NR2C1: variants seen among roughly 807,000 people sequenced by gnomAD.
NR2C1 encodes the protein TR2 nuclear hormone receptor.
NR2C1 carries 33 observed loss-of-function variants against 74.8 expected under a neutral mutation model. That is an observed-to-expected ratio of 0.44 (90% CI 0.33 to 0.59). NR2C1 has a LOEUF of 0.59. NR2C1 is among the 20% of genes least tolerant of loss of function. The pLI is 0.02. For synonymous variants in NR2C1, 225 were observed against 240.6 expected (o/e 0.94, Z 0.60); for missense variants, 568 against 715.6 (o/e 0.79, Z 2.35).
At chr12:95,024,417 C>T (rs572380106) in intron 13 of NR2C1, among the ~76,000 whole-genome samples, 7 of 152,256 alleles carry the variant, frequency 4.6e-5, no homozygotes, top group Admixed American at 2.0e-4. Context: ...GAATTCAAAT[C>T]CAGGTACTCT....
chr12:95,053,681 G>GTTTTTTTTTTTTTTTTT (rs550069594), intron 7 of NR2C1, among the ~76,000 whole-genome samples: 4 of 103,410 alleles, frequency 3.9e-5, no homozygotes, highest in African/African-American at 8.0e-5. Context: ...TCTTTTTGGT[G>GTTTTTTTTTTTTTTTTT]TTTTTTTTTT....
intron 4 of NR2C1, among the ~76,000 whole-genome samples, chr12:95,058,888 A>G (rs1874316978): frequency 6.6e-6 from 1 of 151,922 alleles, no homozygotes; most frequent in Admixed American, 6.6e-5. Flanking sequence ...CTCCACTCCC[A>G]AAGTGCTGGG....
intron 7 of NR2C1, 92 bp from the exon 8 acceptor site, chr12:95,052,035 A>G (rs1873081014): frequency 2.5e-6 from 2 of 787,844 alleles, no homozygotes; most frequent in Non-Finnish European, 3.8e-6. Context: ...TATGCCAACA[A>G]AAGAACAGTA....
intron 9 of NR2C1, among the ~76,000 whole-genome samples, chr12:95,044,426 C>T (rs1872030469): frequency 6.6e-6 from 1 of 151,850 alleles, no homozygotes; most frequent in African/African-American, 2.4e-5. Flanking sequence ...CGCCACCACA[C>T]CCGGCTAATT....
At chr12:95,059,229 G>A (rs1346585590) in intron 4 of NR2C1, among the ~76,000 whole-genome samples, 3 of 151,258 alleles carry the variant, frequency 2.0e-5, no homozygotes, top group Non-Finnish European at 4.4e-5. Flanking sequence ...TTGAACCCAG[G>A]AGGCAGAGGT....
intron 2 of NR2C1, among the ~76,000 whole-genome samples, chr12:95,063,370 A>G (rs1875090404): frequency 6.6e-6 from 1 of 152,204 alleles, no homozygotes; most frequent in Non-Finnish European, 1.5e-5. Flanking sequence ...GCACAGCAAT[A>G]GAGATATATG....
chr12:95,057,988 T>C, intron 5 of NR2C1, 110 bp from the exon 6 acceptor site: 1 of 929,758 alleles, frequency 1.1e-6, no homozygotes, highest in South Asian at 1.7e-5. Context: ...GCTACCATAC[T>C]AAACTCCAAA....
intron 13 of NR2C1, 100 bp downstream of exon 13, chr12:95,025,050 C>A: frequency 1.8e-6 from 1 of 542,530 alleles, no homozygotes. Flanking sequence ...GTTAAGGTTG[C>A]CTAAAACATT....
chr12:95,051,969 C>A, intron 7 of NR2C1, 26 bp from the exon 8 acceptor site: 2 of 1,476,798 alleles, frequency 1.4e-6, no homozygotes, highest in South Asian at 2.7e-5. Flanking sequence ...TATTAAAATT[C>A]TGTGAATTGG....
intron 1 of NR2C1, among the ~76,000 whole-genome samples, chr12:95,069,387 A>G (rs772557447): frequency 2.6e-5 from 4 of 152,232 alleles, no homozygotes; most frequent in Non-Finnish European, 4.4e-5. Flanking sequence ...GTTTACACCC[A>G]TAACACTGTA....
intron 1 of NR2C1, chr12:95,072,988 G>A (rs1876947759): frequency 6.6e-6 from 1 of 152,276 alleles, no homozygotes. Context: ...CGTGCGCCCT[G>A]GAAGCCCCGG....
intron 11 of NR2C1, chr12:95,030,872 A>G (rs1434129812): frequency 6.2e-7 from 1 of 1,611,984 alleles, no homozygotes; most frequent in Non-Finnish European, 8.5e-7. Context: ...TTACCTTGGC[A>G]TCTAGGAAAG....
intron 12 of NR2C1, among the ~76,000 whole-genome samples, chr12:95,027,571 A>G (rs1869512417): frequency 6.6e-6 from 1 of 152,076 alleles, no homozygotes; most frequent in Non-Finnish European, 1.5e-5. Context: ...ACTTGTCTCT[A>G]CTAAAAATAC....
intron 1 of NR2C1, among the ~76,000 whole-genome samples, chr12:95,067,786 C>T (rs1875944534): frequency 6.6e-6 from 1 of 151,834 alleles, no homozygotes; most frequent in African/African-American, 2.4e-5. Flanking sequence ...TGGCCTCAAA[C>T]TCCTGGGCTC....
At chr12:95,042,466 G>A (rs1051328913) in intron 9 of NR2C1, among the ~76,000 whole-genome samples, 1 of 151,954 alleles carries the variant, frequency 6.6e-6, no homozygotes, top group Non-Finnish European at 1.5e-5. Flanking sequence ...GCCCGCCTGG[G>A]CCTCCTAAAG....
At chr12:95,059,251 G>A (rs1458803647) in intron 4 of NR2C1, among the ~76,000 whole-genome samples, 3 of 150,302 alleles carry the variant, frequency 2.0e-5, no homozygotes, top group African/African-American at 4.9e-5. Context: ...GCAGTGAGCC[G>A]AGATTGCACC....
intron 11 of NR2C1, chr12:95,030,907 TC>T (rs761161032): frequency 3.3e-6 from 5 of 1,518,220 alleles, no homozygotes; most frequent in Non-Finnish European, 4.6e-6. Flanking sequence ...AAAGGATTGT[TC>T]CTGACTCTTC....
chr12:95,031,661 T>C (rs1427067710), intron 10 of NR2C1, among the ~76,000 whole-genome samples, 173 bp from the exon 11 acceptor site: 1 of 152,226 alleles, frequency 6.6e-6, no homozygotes, highest in South Asian at 2.1e-4. Flanking sequence ...AAATGAGGAA[T>C]GCTTAGGCAT....
chr12:95,030,854 G>A (rs1464048061), intron 11 of NR2C1: 1 of 1,613,302 alleles, frequency 6.2e-7, no homozygotes, highest in South Asian at 1.1e-5. Context: ...AATGAATGAG[G>A]GCTGCAATTA....
Sources: gnomAD v4.1 joint callset for allele counts (sites outside exome capture counted in the v4.1 genomes callset) on GRCh38, gnomAD v4.1.1 for gene constraint, MANE v1.5 for transcripts, NCBI Gene and HGNC (gene_info 2026-07-23, HGNC 2026-07-21) for gene names.